SDCCAG8: variants seen among roughly 807,000 people sequenced by gnomAD.
SDCCAG8 encodes SHH signaling and ciliogenesis regulator SDCCAG8.
Under a neutral mutation model 101.8 loss-of-function variants are expected in SDCCAG8, and 74 were observed. That is an observed-to-expected ratio of 0.73 (90% CI 0.60 to 0.88). The LOEUF is 0.88. Among genes scored for constraint, SDCCAG8 ranks in the 40% least tolerant of loss-of-function variants. The pLI is 0.00. For synonymous variants in SDCCAG8, 281 were observed against 292.9 expected, an observed-to-expected ratio of 0.96 and a Z score of 0.41; for missense variants, 787 against 822.6, an observed-to-expected ratio of 0.96 and a Z score of 0.53.
rs1452450328 is a variant in SDCCAG8 at position 243,330,800 on chromosome 1, C to T, written c.1221+108C>T. On this transcript the variant is annotated intron_variant, in intron 10 of 17. Coordinates refer to ENST00000366541, the MANE Select transcript of SDCCAG8 (RefSeq NM_006642.5). ...TTGAATGAACTTTAAATTTTAAAATCGTTATTATATAAGTAGTTAAATTTC... is the reference window on the plus strand; with the variant it reads ...TTGAATGAACTTTAAATTTTAAAATTGTTATTATATAAGTAGTTAAATTTC... 1.7e-5 allele frequency: 18 copies of T among 1,059,790 alleles called. No individual in the cohort carries two copies. The East Asian group carries it at 2.8e-4, about 17-fold the overall frequency. 65.6% of individuals were successfully genotyped at this position (1,059,790 alleles called of 1,614,324 possible).
chr1:243,318,056 C>G, intron 9 of SDCCAG8: 2 of 456,530 alleles, frequency 4.4e-6, no homozygotes, highest in Non-Finnish European at 8.8e-6. Context: ...CAATAGCAAA[C>G]GTAAACGATG....
At chr1:243,385,108 A>G (rs551355995) in intron 13 of SDCCAG8, among the ~76,000 whole-genome samples, 2 of 152,026 alleles carry the variant, frequency 1.3e-5, no homozygotes, top group African/African-American at 2.4e-5. Flanking sequence ...ACATGAGTAG[A>G]TCGGGTGTGG....
intron 16 of SDCCAG8, among the ~76,000 whole-genome samples, chr1:243,478,582 C>T (rs1662863027): frequency 6.6e-6 from 1 of 152,116 alleles, no homozygotes. Context: ...GTACCCCCTC[C>T]CCACTGCACG....
chr1:243,295,648 T>G (rs1039010784), intron 6 of SDCCAG8, among the ~76,000 whole-genome samples: 1 of 152,188 alleles, frequency 6.6e-6, no homozygotes, highest in Non-Finnish European at 1.5e-5. Flanking sequence ...AGAACTGGCT[T>G]TGGTTTATGC....
intron 17 of SDCCAG8, among the ~76,000 whole-genome samples, chr1:243,497,027 G>A (rs1668104232): frequency 1.3e-5 from 2 of 152,194 alleles, no homozygotes; most frequent in South Asian, 4.1e-4. Flanking sequence ...TGGAAGGGCA[G>A]AAGGACGGGA....
At chr1:243,408,294 A>G (rs777361005) in intron 13 of SDCCAG8, among the ~76,000 whole-genome samples, 2 of 152,174 alleles carry the variant, frequency 1.3e-5, no homozygotes, top group Admixed American at 6.6e-5. Flanking sequence ...AAAGGTTCCT[A>G]TTCTCCATGG....
chr1:243,277,707 T>TA (rs1219152369), intron 4 of SDCCAG8, among the ~76,000 whole-genome samples: 1 of 152,232 alleles, frequency 6.6e-6, no homozygotes, highest in African/African-American at 2.4e-5. Context: ...ACTTTGTGTT[T>TA]AAAAATTTAT....
At chr1:243,495,444 G>A (rs888801919) in intron 17 of SDCCAG8, among the ~76,000 whole-genome samples, 5 of 152,220 alleles carry the variant, frequency 3.3e-5, no homozygotes, top group Non-Finnish European at 7.3e-5. Context: ...CTCTGACTGC[G>A]GTGTGGAGGC....
chr1:243,277,716 A>G (rs2068694763), intron 4 of SDCCAG8, among the ~76,000 whole-genome samples: 1 of 152,140 alleles, frequency 6.6e-6, no homozygotes, highest in Non-Finnish European at 1.5e-5. Context: ...TTAAAAATTT[A>G]TTACCAAATC....
chr1:243,433,823 A>T (rs1188307394), intron 16 of SDCCAG8, among the ~76,000 whole-genome samples: 1 of 152,202 alleles, frequency 6.6e-6, no homozygotes, highest in Non-Finnish European at 1.5e-5. Flanking sequence ...ATTCTTATGG[A>T]CAGTTTCAAA....
intron 16 of SDCCAG8, among the ~76,000 whole-genome samples, chr1:243,434,081 A>G (rs1451401378): frequency 6.6e-6 from 1 of 152,218 alleles, no homozygotes; most frequent in East Asian, 1.9e-4. Context: ...TTTTAATTAT[A>G]AATTGCTGTT....
intron 12 of SDCCAG8, among the ~76,000 whole-genome samples, chr1:243,375,474 A>G (rs2077545904): frequency 6.6e-6 from 1 of 152,194 alleles, no homozygotes; most frequent in Non-Finnish European, 1.5e-5. Flanking sequence ...AATGAACAGC[A>G]TCAAGTCTCC....
intron 17 of SDCCAG8, 172 bp from the exon 18 acceptor site, chr1:243,499,584 A>G: frequency 1.5e-6 from 1 of 665,412 alleles, no homozygotes; most frequent in Non-Finnish European, 2.7e-6. Flanking sequence ...AAGGGCTTTG[A>G]TGTGGACAAG....
chr1:243,486,627 C>T (rs1033244701), intron 16 of SDCCAG8, among the ~76,000 whole-genome samples: 14 of 152,248 alleles, frequency 9.2e-5, no homozygotes, highest in Non-Finnish European at 1.5e-4. Context: ...CGGCCGTGAC[C>T]GGTGTTTATG....
chr1:243,490,369 T>C (rs1163529938), intron 17 of SDCCAG8, among the ~76,000 whole-genome samples: 1 of 152,180 alleles, frequency 6.6e-6, no homozygotes, highest in Admixed American at 6.5e-5. Context: ...CTGCCACAGC[T>C]AATCTAGGAG....
chr1:243,404,652 C>T (rs916758515), intron 13 of SDCCAG8, among the ~76,000 whole-genome samples: 19 of 151,966 alleles, frequency 1.3e-4, no homozygotes, highest in South Asian at 2.1e-4. Context: ...TGTGCAAAGA[C>T]GGAGAGGTTA....
intron 13 of SDCCAG8, among the ~76,000 whole-genome samples, chr1:243,397,534 A>G (rs1283061974): frequency 2.0e-5 from 3 of 152,328 alleles, no homozygotes; most frequent in South Asian, 2.1e-4. Flanking sequence ...TTGTTCACAT[A>G]TGGAAAGCAA....
intron 13 of SDCCAG8, among the ~76,000 whole-genome samples, chr1:243,383,218 G>A (rs917682852): frequency 2.0e-5 from 3 of 152,258 alleles, no homozygotes; most frequent in African/African-American, 4.8e-5. Context: ...ATTTTCAGGG[G>A]GCAGTAACAA....
intron 15 of SDCCAG8, among the ~76,000 whole-genome samples, chr1:243,426,088 T>C (rs1039702541): frequency 6.6e-6 from 1 of 152,218 alleles, no homozygotes; most frequent in Non-Finnish European, 1.5e-5. Flanking sequence ...GTTTCTTCTT[T>C]GACAGCATAG....
Sources: allele counts gnomAD v4.1 joint callset (sites outside exome capture counted in the v4.1 genomes callset), GRCh38; gene constraint gnomAD v4.1.1; transcripts MANE v1.5; gene names NCBI Gene and HGNC (gene_info 2026-07-23, HGNC 2026-07-21).